The following MBNL2 variants were observed in gnomAD, a reference collection of about 807,000 sequenced individuals.
MBNL2 encodes muscleblind-like protein 2.
A neutral mutation model predicts 41.9 loss-of-function variants in MBNL2; 17 were observed. The observed-to-expected ratio is 0.41, with a 90% confidence interval of 0.28 to 0.61. MBNL2 has a LOEUF of 0.61. MBNL2 is among the 20% of genes least tolerant of loss of function. The probability of loss-of-function intolerance (pLI) is 0.35; values close to 1 mark genes in which losing one functional copy is unlikely to be tolerated. For synonymous variants in MBNL2, 195 were observed against 182.9 expected (o/e 1.07, Z -0.53); for missense variants, 336 against 505.6 (o/e 0.66, Z 3.22).
At chr13:97,232,582 A>G (rs2042531020) in intron 1 of MBNL2, among the ~76,000 whole-genome samples, 1 of 152,092 alleles carries the variant, frequency 6.6e-6, no homozygotes, top group South Asian at 2.1e-4. Context: ...GAAACATGCA[A>G]CCCTTGTCCA....
chr13:97,217,318 C>T (rs1266087735), upstream of MBNL2, among the ~76,000 whole-genome samples: 1 of 152,112 alleles, frequency 6.6e-6, no homozygotes, highest in Admixed American at 6.5e-5. Flanking sequence ...AATGCATGTT[C>T]TAGGCACTGG....
the MBNL2 span, among the ~76,000 whole-genome samples, chr13:97,152,112 AT>A: frequency 2.6e-5 from 4 of 152,030 alleles, no homozygotes; most frequent in Admixed American, 1.3e-4. Context: ...GATTAATTAC[AT>A]TCATGAAACA....
chr13:97,388,394 C>G (rs2066113898), intron 8 of MBNL2, among the ~76,000 whole-genome samples: 1 of 151,104 alleles, frequency 6.6e-6, no homozygotes, highest in Non-Finnish European at 1.5e-5. Context: ...CAAAATGTAT[C>G]TATTCATCAA....
the MBNL2 span, among the ~76,000 whole-genome samples, chr13:97,192,225 C>A: frequency 1.3e-5 from 2 of 152,192 alleles, no homozygotes; most frequent in Non-Finnish European, 1.5e-5. Context: ...AAAAAATCTT[C>A]ATTGTTCACG....
chr13:97,172,945 G>A, the MBNL2 span: 2 of 152,112 alleles, frequency 1.3e-5, no homozygotes, highest in African/African-American at 4.8e-5. Flanking sequence ...TACACAAGTT[G>A]CATGACCATG....
At chr13:97,288,346 T>A (rs1028763666) in intron 2 of MBNL2, among the ~76,000 whole-genome samples, 1 of 152,216 alleles carries the variant, frequency 6.6e-6, no homozygotes, top group African/African-American at 2.4e-5. Flanking sequence ...ATCCACATGT[T>A]ACCTGAGAGG....
At chr13:97,384,496 G>A (rs1353925273) in intron 8 of MBNL2, among the ~76,000 whole-genome samples, 1 of 152,164 alleles carries the variant, frequency 6.6e-6, no homozygotes, top group Non-Finnish European at 1.5e-5. Context: ...AGTCATGGCT[G>A]CTGTGGAGAA....
At chr13:97,170,509 T>C in the MBNL2 span, among the ~76,000 whole-genome samples, 24 of 152,006 alleles carry the variant, frequency 1.6e-4, no homozygotes, top group Admixed American at 2.6e-4. Flanking sequence ...GGAAAGCTCG[T>C]AGGTTAGGGA....
chr13:97,188,927 A>T, the MBNL2 span, among the ~76,000 whole-genome samples: 2 of 152,148 alleles, frequency 1.3e-5, no homozygotes, highest in African/African-American at 4.8e-5. Context: ...ACCTTGACCC[A>T]CACAGACTCA....
chr13:97,243,742 A>G (rs73555756), intron 1 of MBNL2, among the ~76,000 whole-genome samples: 3,862 of 152,262 alleles, frequency 0.025, 91 homozygotes, highest in South Asian at 0.12. Flanking sequence ...TGGAGGGGGA[A>G]AAAACAACAA....
rs1566432001 is a variant in MBNL2, at chr13:97,347,043, A to C, written c.780A>C (p.Ala260=). ...ACCAAGCTGCGGTGGCCGCCCAGGC[A>C]GCCGCGGCCGCGGCCACAGTCATGG... The part of the protein sequence containing the change: ...QANQAAVAAQ[A]AAAAATVMTQ... The change falls in exon 5 of 9, where the codon GCA becomes GCC. Residue 260 remains alanine, a synonymous_variant. Coordinates refer to ENST00000679496, the MANE Select transcript of MBNL2 (RefSeq NM_001382683.1). 7 of 1,608,044 alleles carry C rather than the reference A, an allele frequency of 4.4e-6. No individual in the cohort carries two copies. Among genetic ancestry groups the C allele is most frequent in the Non-Finnish European group, 5.9e-6 (7 of 1,177,568 alleles).
intron 1 of MBNL2, among the ~76,000 whole-genome samples, chr13:97,264,416 C>G (rs530900759): frequency 5.6e-4 from 86 of 152,278 alleles, no homozygotes; most frequent in Admixed American, 3.2e-3. Flanking sequence ...CTGTGTCAGT[C>G]TACATTTGTA....
At chr13:97,270,232 T>C (rs1039766236) in intron 1 of MBNL2, among the ~76,000 whole-genome samples, 8 of 152,226 alleles carry the variant, frequency 5.3e-5, no homozygotes, top group African/African-American at 1.9e-4. Context: ...TAGACAATTA[T>C]GAATTTTTGA....
At chr13:97,190,397 CAA>C in the MBNL2 span, among the ~76,000 whole-genome samples, 31 of 152,264 alleles carry the variant, frequency 2.0e-4, no homozygotes, top group Non-Finnish European at 2.9e-5. Flanking sequence ...GGAAGAAAGA[CAA>C]AATGTTTTTG....
intron 2 of MBNL2, among the ~76,000 whole-genome samples, chr13:97,326,296 C>A (rs1015053920): frequency 6.6e-6 from 1 of 152,094 alleles, no homozygotes; most frequent in Non-Finnish European, 1.5e-5. Flanking sequence ...TGTGTTTTTC[C>A]CTCATTTATC....
chr13:97,229,660 C>T (rs1287419169), intron 1 of MBNL2, among the ~76,000 whole-genome samples: 1 of 151,982 alleles, frequency 6.6e-6, no homozygotes, highest in East Asian at 1.9e-4. Context: ...CAGGAAGGAA[C>T]CTTGACCTTG....
At chr13:97,372,145 A>G (rs1054279587) in intron 8 of MBNL2, among the ~76,000 whole-genome samples, 5 of 152,226 alleles carry the variant, frequency 3.3e-5, no homozygotes, top group Admixed American at 6.5e-5. Flanking sequence ...CCTGCTAGGG[A>G]AAGAGATTCT....
chr13:97,148,744 T>C, the MBNL2 span, among the ~76,000 whole-genome samples: 1 of 152,242 alleles, frequency 6.6e-6, no homozygotes, highest in African/African-American at 2.4e-5. Flanking sequence ...TGCTAAGGTA[T>C]ACCTTGTATT....
chr13:97,385,495 T>TG (rs2065851409), intron 8 of MBNL2, among the ~76,000 whole-genome samples: 1 of 152,232 alleles, frequency 6.6e-6, no homozygotes, highest in African/African-American at 2.4e-5. Context: ...CTTGATGACT[T>TG]GCATATATGG....
Sources: allele counts gnomAD v4.1 joint callset (sites outside exome capture counted in the v4.1 genomes callset), GRCh38; gene constraint gnomAD v4.1.1; transcripts MANE v1.5; gene names NCBI Gene and HGNC (gene_info 2026-07-23, HGNC 2026-07-21).